The following STK32A variants were observed in gnomAD, a reference collection of about 807,000 sequenced individuals.
STK32A encodes serine/threonine kinase 32A.
In STK32A, 41 loss-of-function variants were observed where a neutral mutation model predicts 53.2. The ratio of observed to expected loss-of-function variants is 0.77; its 90% CI spans 0.60 to 1.00. The LOEUF is 1.00. Among genes scored for constraint, STK32A ranks in the 50% least tolerant of loss-of-function variants. The pLI is 0.00. For missense variants in STK32A, 458 were observed against 485.8 expected, an observed-to-expected ratio of 0.94 and a Z score of 0.54; for synonymous variants, 166 against 162.8, an observed-to-expected ratio of 1.02 and a Z score of -0.15.
chr5:147,398,454 C>A, the STK32A span, among the ~76,000 whole-genome samples: 1 of 152,130 alleles, frequency 6.6e-6, no homozygotes, highest in African/African-American at 2.4e-5. Flanking sequence ...GGATAATAGT[C>A]CCTACCTGTA....
At chr5:147,397,054 T>C in the STK32A span, among the ~76,000 whole-genome samples, 1 of 147,994 alleles carries the variant, frequency 6.8e-6, no homozygotes, top group African/African-American at 2.4e-5. Flanking sequence ...TATTATTCTA[T>C]ATTTATATAT....
At chr5:147,309,496 G>C (rs1753583974) in intron 4 of STK32A, among the ~76,000 whole-genome samples, 1 of 152,152 alleles carries the variant, frequency 6.6e-6, no homozygotes, top group South Asian at 2.1e-4. Flanking sequence ...GCACTTAATA[G>C]ATCACCAGTT....
chr5:147,237,932 TAA>T (rs1236420501), intron 1 of STK32A, among the ~76,000 whole-genome samples: 1 of 152,154 alleles, frequency 6.6e-6, no homozygotes, highest in African/African-American at 2.4e-5. Context: ...CCTTCACATG[TAA>T]AGAGCTCAGG....
intron 4 of STK32A, among the ~76,000 whole-genome samples, chr5:147,288,725 T>G (rs913199553): frequency 1.3e-5 from 2 of 152,114 alleles, no homozygotes; most frequent in African/African-American, 4.8e-5. Flanking sequence ...AAACCATTCA[T>G]GAGGATCCAC....
chr5:147,260,332 C>G (rs1421497345), intron 2 of STK32A, among the ~76,000 whole-genome samples: 1 of 150,034 alleles, frequency 6.7e-6, no homozygotes, highest in Non-Finnish European at 1.5e-5. Context: ...CCGTCTCTAT[C>G]TGTCTCACTC....
At chr5:147,338,164 G>T (rs1320509814) in intron 5 of STK32A, among the ~76,000 whole-genome samples, 1 of 152,152 alleles carries the variant, frequency 6.6e-6, no homozygotes, top group South Asian at 2.1e-4. Context: ...ATCTCCATTT[G>T]TCATAGGAAG....
chr5:147,267,924 T>C (rs1754876896), intron 2 of STK32A, among the ~76,000 whole-genome samples: 1 of 152,162 alleles, frequency 6.6e-6, no homozygotes, highest in Non-Finnish European at 1.5e-5. Flanking sequence ...GGAAGAGATT[T>C]CTCCCACCTT....
chr5:147,294,357 G>A (rs1299521883), intron 4 of STK32A, among the ~76,000 whole-genome samples: 1 of 152,112 alleles, frequency 6.6e-6, no homozygotes, highest in African/African-American at 2.4e-5. Context: ...CGCCTCCTGG[G>A]TTCAAGCAAT....
chr5:147,375,196 T>C lies in STK32A; in HGVS notation c.1010T>C (p.Met337Thr). Residue 337 changes from methionine (M) to threonine (T), a missense_variant, in exon 11 of 13, where the codon ATG (methionine) becomes ACG (threonine). Met to Thr is a moderately conservative substitution (Grantham distance 81). Transcript: ENST00000397936. ...KKRLAKKEKD[M>T]RKCDSSQTCL... ...CGTCTGGCAAAGAAGGAGAAGGATA[T>C]GAGGAAATGCGATTCTTCTCAGGTA... 1 of 1,611,082 alleles carries C rather than the reference T, an allele frequency of 6.2e-7. No individual in the cohort carries two copies. Among genetic ancestry groups the C allele is most frequent in the South Asian group, 1.1e-5 (1 of 90,284 alleles).
chr5:147,312,865 C>A (rs184529542), intron 4 of STK32A, among the ~76,000 whole-genome samples: 130 of 152,190 alleles, frequency 8.5e-4, no homozygotes, highest in African/African-American at 3.0e-3. Context: ...TTTGACAAAT[C>A]TTTGTTTTAG....
chr5:147,251,792 T>G (rs1754012480), intron 2 of STK32A, among the ~76,000 whole-genome samples: 1 of 152,216 alleles, frequency 6.6e-6, no homozygotes, highest in African/African-American at 2.4e-5. Flanking sequence ...CTAGAGCACC[T>G]TTTCTTCCCT....
intron 2 of STK32A, among the ~76,000 whole-genome samples, chr5:147,244,556 T>C (rs144887421): frequency 5.4e-4 from 82 of 152,304 alleles, no homozygotes; most frequent in African/African-American, 1.9e-3. Flanking sequence ...GTCTCAGCTG[T>C]GCCACGTGCC....
chr5:147,331,524 A>G (rs962318062), intron 5 of STK32A, among the ~76,000 whole-genome samples: 3 of 152,268 alleles, frequency 2.0e-5, no homozygotes, highest in Non-Finnish European at 4.4e-5. Context: ...CAAATAGCAT[A>G]AAACTTCAGT....
Position 147,365,248 on chromosome 5 carries a change from C to CA in STK32A, c.660+3642dup, listed in dbSNP as rs200182085. 3.1e-3 allele frequency among the ~76,000 whole-genome samples: 473 copies of CA among 151,212 alleles called. 2 individuals carry two copies. The highest frequency in any genetic ancestry group is 8.8e-3 in the African/African-American group (365 of 41,308). On this transcript the variant is annotated intron_variant, in intron 8 of 12. Coordinates refer to ENST00000397936, the MANE Select transcript of STK32A (RefSeq NM_001112724.2). ...AAATCAAAGATGAGTGTTTCTAAAG[C>CA]AAAAAAAAGGAGGATCTCACAATTG...
At chr5:147,319,937 T>C (rs961869715) in intron 4 of STK32A, among the ~76,000 whole-genome samples, 2 of 152,190 alleles carry the variant, frequency 1.3e-5, no homozygotes, top group Admixed American at 1.3e-4. Context: ...GTTCCCCTAC[T>C]ATCATGGTTT....
chr5:147,286,639 C>T (rs1188017564), intron 4 of STK32A, among the ~76,000 whole-genome samples: 2 of 152,112 alleles, frequency 1.3e-5, no homozygotes, highest in East Asian at 3.8e-4. Flanking sequence ...TACATAAATG[C>T]ATCTTGATTT....
chr5:147,257,058 T>C (rs1158800508), intron 2 of STK32A, among the ~76,000 whole-genome samples: 1 of 152,128 alleles, frequency 6.6e-6, no homozygotes, highest in Non-Finnish European at 1.5e-5. Context: ...GAGTTTGAGA[T>C]AATAACCTGT....
chr5:147,291,977 A>G (rs1752620870), intron 4 of STK32A, among the ~76,000 whole-genome samples: 1 of 152,228 alleles, frequency 6.6e-6, no homozygotes, highest in Admixed American at 6.5e-5. Flanking sequence ...TTAGACTTTT[A>G]AAAGCCTCTC....
chr5:147,344,283 CT>C (rs1432432784), intron 6 of STK32A, among the ~76,000 whole-genome samples: 3 of 152,208 alleles, frequency 2.0e-5, no homozygotes, highest in Non-Finnish European at 4.4e-5. Flanking sequence ...CTAAGAAACA[CT>C]GGTAATGACC....
Sources: allele counts gnomAD v4.1 joint callset (sites outside exome capture counted in the v4.1 genomes callset), GRCh38; gene constraint gnomAD v4.1.1; transcripts MANE v1.5; gene names NCBI Gene and HGNC (gene_info 2026-07-23, HGNC 2026-07-21).